The following SLC26A5 variants were observed in gnomAD, a reference collection of about 807,000 sequenced individuals.
The protein encoded by SLC26A5 is solute carrier family 26 member 5, also known as prestin.
Under a neutral mutation model 81.0 loss-of-function variants are expected in SLC26A5, and 51 were observed. That is an observed-to-expected ratio of 0.63 (90% CI 0.50 to 0.80). The LOEUF (loss-of-function observed/expected upper bound fraction) is 0.80. Among genes scored for constraint, SLC26A5 ranks in the 30% least tolerant of loss-of-function variants. The pLI is 0.00. For synonymous variants in SLC26A5, 325 were observed against 332.8 expected (o/e 0.98, Z 0.25); for missense variants, 771 against 905.8 (o/e 0.85, Z 1.91).
At chr7:103,358,697 C>T (rs1182940163) in intron 19 of SLC26A5, among the ~76,000 whole-genome samples, 1 of 151,826 alleles carries the variant, frequency 6.6e-6, no homozygotes, top group South Asian at 2.1e-4. Context: ...GCTCTTATAT[C>T]ATGGTTGTAA....
chr7:103,431,327 T>C (rs1826067296), intron 2 of SLC26A5, among the ~76,000 whole-genome samples: 1 of 151,746 alleles, frequency 6.6e-6, no homozygotes, highest in African/African-American at 2.4e-5. Flanking sequence ...TTCTTTCTTT[T>C]TTTTTTTCCT....
intron 19 of SLC26A5, among the ~76,000 whole-genome samples, chr7:103,361,510 CAAAAAAAAAAAAAAA>C (rs759044767): frequency 2.0e-5 from 1 of 51,102 alleles, no homozygotes; most frequent in Non-Finnish European, 4.1e-5. Context: ...AACTCCATCT[CAAAAAAAAAAAAAAA>C]AAAAAAAAGA....
rs374243304 is a variant in SLC26A5, at chr7:103,410,361, A to T, written c.735+24T>A. 1.8e-5 allele frequency: 29 copies of T among 1,601,140 alleles called. 1 individual carries two copies. The highest frequency in any genetic ancestry group is 3.3e-5 in the South Asian group (3 of 90,818). On this transcript the variant is annotated intron_variant, in intron 7 of 19. Transcript: ENST00000306312. Reference sequence around the variant, plus strand: ...GGGGGAATAAAGAGAAAAGTACCAGAACGTCAGGTAGTTTCTTACTTACAT... The same window carrying T: ...GGGGGAATAAAGAGAAAAGTACCAGTACGTCAGGTAGTTTCTTACTTACAT...
intron 14 of SLC26A5, among the ~76,000 whole-genome samples, chr7:103,382,342 T>C (rs1413274248): frequency 6.7e-6 from 1 of 149,136 alleles, no homozygotes; most frequent in African/African-American, 2.5e-5. Flanking sequence ...GAGAGCCCTA[T>C]TTCCTTTTTT....
At chr7:103,388,598 T>C (rs2116454427) in intron 14 of SLC26A5, 1 of 332,660 alleles carries the variant, frequency 3.0e-6, no homozygotes, top group South Asian at 2.6e-5. Context: ...GTGGAGGAAA[T>C]GACAGTGGAA....
intron 2 of SLC26A5, 67 bp from the exon 3 acceptor site, chr7:103,421,634 T>C (rs1195489866): frequency 1.8e-6 from 2 of 1,100,334 alleles, no homozygotes; most frequent in African/African-American, 3.1e-5. Flanking sequence ...CCTAAGCATC[T>C]CTTCTTTGTG....
At chr7:103,377,294 A>G (rs1821422903) in intron 18 of SLC26A5, among the ~76,000 whole-genome samples, 2 of 152,164 alleles carry the variant, frequency 1.3e-5, no homozygotes, top group Non-Finnish European at 1.5e-5. Context: ...TTGTAGCAAT[A>G]CACATTAAAA....
At chr7:103,371,384 G>A (rs1190078373), downstream of SLC26A5, among the ~76,000 whole-genome samples, 3 of 151,094 alleles carry the variant, frequency 2.0e-5, no homozygotes, top group Admixed American at 1.3e-4. Context: ...GAGTGCAGTG[G>A]CGCGATCTCG....
intron 9 of SLC26A5, 64 bp downstream of exon 9, chr7:103,397,868 G>A: frequency 8.6e-7 from 1 of 1,167,730 alleles, no homozygotes; most frequent in Non-Finnish European, 1.3e-6. Context: ...ACTAATGTAA[G>A]AGTTAGAGGC....
intron 7 of SLC26A5, among the ~76,000 whole-genome samples, chr7:103,409,256 C>G (rs183422853): frequency 1.6e-4 from 25 of 152,368 alleles, no homozygotes; most frequent in African/African-American, 5.8e-4. Context: ...TCTTAGCTCA[C>G]AGCTGCATCT....
Position 103,397,914 on chromosome 7 carries a change from T to G in SLC26A5, c.971+18A>C. On this transcript the variant is annotated intron_variant, in intron 9 of 19. Transcript: ENST00000306312. Reference sequence around the variant, plus strand: ...TTGATTATTTCAGTCACACAGTTACTTAAAACCACTTTCCTACCCTAGAGG... The same window carrying G: ...TTGATTATTTCAGTCACACAGTTACGTAAAACCACTTTCCTACCCTAGAGG... The G allele has an allele frequency of 6.3e-7, 1 of 1,597,010 alleles. No homozygotes were observed.
chr7:103,432,615 T>A (rs1358695113), intron 2 of SLC26A5, among the ~76,000 whole-genome samples: 1 of 152,210 alleles, frequency 6.6e-6, no homozygotes, highest in Non-Finnish European at 1.5e-5. Context: ...TTCTCTTTAT[T>A]CTTTCAATAA....
chr7:103,406,959 T>C (rs1465863126), intron 8 of SLC26A5, among the ~76,000 whole-genome samples: 1 of 152,204 alleles, frequency 6.6e-6, no homozygotes, highest in African/African-American at 2.4e-5. Context: ...TAGACGACTC[T>C]TCATTTCTTA....
intron 4 of SLC26A5, among the ~76,000 whole-genome samples, chr7:103,417,351 A>G (rs1410889691): frequency 2.3e-4 from 34 of 149,410 alleles, no homozygotes; most frequent in African/African-American, 8.4e-4. Flanking sequence ...GCTTGCCAAT[A>G]GAGCGAGACT....
At chr7:103,360,882 C>T (rs1820348169) in intron 19 of SLC26A5, among the ~76,000 whole-genome samples, 2 of 152,022 alleles carry the variant, frequency 1.3e-5, no homozygotes, top group South Asian at 4.1e-4. Flanking sequence ...GAGGCCGAAG[C>T]AGGTGGATCA....
chr7:103,385,864 T>C (rs1228991095), intron 14 of SLC26A5, among the ~76,000 whole-genome samples: 1 of 149,252 alleles, frequency 6.7e-6, no homozygotes, highest in African/African-American at 2.5e-5. Flanking sequence ...CCATGCCCAG[T>C]TAATATTTTG....
chr7:103,354,582 C>T (rs1162739574), intron 19 of SLC26A5, among the ~76,000 whole-genome samples: 4 of 152,096 alleles, frequency 2.6e-5, no homozygotes, highest in African/African-American at 9.6e-5. Context: ...GTTGGCCAGG[C>T]TGGTCTTGAA....
chr7:103,374,228 T>TA lies in SLC26A5; in HGVS notation c.*170dup. 2.1e-6 allele frequency: 3 copies of TA among 1,411,254 alleles called. No homozygotes were observed. Among genetic ancestry groups the TA allele is most frequent in the Non-Finnish European group, 2.8e-6 (3 of 1,087,450 alleles). 87.4% of individuals were successfully genotyped at this position (1,411,254 alleles called of 1,614,324 possible). A position where few individuals can be genotyped will look rare whatever the true frequency, so the allele number is the denominator to read the frequency against. On this transcript the variant is annotated 3_prime_UTR_variant, in exon 20 of 20. Coordinates refer to ENST00000306312, the MANE Select transcript of SLC26A5 (RefSeq NM_198999.3). ...CCAATTTATCTTTGAAGTATTCAAT[T>TA]AAAAAAACACAAGTACAATACATCT...
chr7:103,410,326 G>A, intron 7 of SLC26A5, 59 bp downstream of exon 7: 3 of 1,399,802 alleles, frequency 2.1e-6, no homozygotes, highest in South Asian at 2.3e-5. Flanking sequence ...AGATACAGAA[G>A]AGAAGGTTGG....
Sources: allele counts gnomAD v4.1 joint callset (sites outside exome capture counted in the v4.1 genomes callset), GRCh38; gene constraint gnomAD v4.1.1; transcripts MANE v1.5; gene names NCBI Gene and HGNC (gene_info 2026-07-23, HGNC 2026-07-21).